Variants in ZSWIM6 observed in about 807,000 individuals in gnomAD.
ZSWIM6 encodes zinc finger SWIM domain-containing protein 6.
A neutral mutation model predicts 113.2 loss-of-function variants in ZSWIM6; 9 were observed. That is an observed-to-expected ratio of 0.08 (90% CI 0.05 to 0.14). The LOEUF (loss-of-function observed/expected upper bound fraction) is 0.14. ZSWIM6 is among the 10% of genes least tolerant of loss of function. ZSWIM6 has a pLI of 1.00. For missense variants in ZSWIM6, 1,162 were observed against 1,552.2 expected (o/e 0.75, Z 4.22); for synonymous variants, 611 against 606.5 (o/e 1.01, Z -0.11).
chr5:61,351,101 A>G (rs1744773749), intron 1 of ZSWIM6, among the ~76,000 whole-genome samples: 1 of 152,222 alleles, frequency 6.6e-6, no homozygotes, highest in Non-Finnish European at 1.5e-5. Flanking sequence ...ATTTTTGTTA[A>G]TAGTTTATTA....
At chr5:61,337,274 G>T (rs1479302405) in intron 1 of ZSWIM6, among the ~76,000 whole-genome samples, 1 of 139,708 alleles carries the variant, frequency 7.2e-6, no homozygotes, top group Non-Finnish European at 1.6e-5. Context: ...GCGAGATTCC[G>T]TCTCCCCCCC....
intron 4 of ZSWIM6, among the ~76,000 whole-genome samples, chr5:61,503,301 T>C (rs1284685642): frequency 6.6e-6 from 1 of 152,204 alleles, no homozygotes; most frequent in Non-Finnish European, 1.5e-5. Context: ...ACTAGTTGTC[T>C]GAAAAATGTA....
At chr5:61,479,170 C>CAA (rs1237501407) in intron 2 of ZSWIM6, among the ~76,000 whole-genome samples, 2 of 115,780 alleles carry the variant, frequency 1.7e-5, no homozygotes, top group African/African-American at 6.4e-5. Flanking sequence ...GACTCTGTCT[C>CAA]AAAAAAAAAA....
chr5:61,539,054 TCAG>T, intron 11 of ZSWIM6, 83 bp downstream of exon 11: 1 of 1,393,670 alleles, frequency 7.2e-7, no homozygotes. Context: ...TATCAAATTC[TCAG>T]CAGTGGTGTT....
chr5:61,461,999 T>C (rs1747332685), intron 1 of ZSWIM6, among the ~76,000 whole-genome samples: 1 of 152,156 alleles, frequency 6.6e-6, no homozygotes, highest in Non-Finnish European at 1.5e-5. Flanking sequence ...AGCGTACAAA[T>C]TGGGCAGAGA....
intron 1 of ZSWIM6, among the ~76,000 whole-genome samples, chr5:61,388,131 C>T (rs558596259): frequency 2.6e-4 from 39 of 151,696 alleles, no homozygotes; most frequent in African/African-American, 8.9e-4. Flanking sequence ...TCCAGACACC[C>T]ACCATGATGC....
intron 1 of ZSWIM6, among the ~76,000 whole-genome samples, chr5:61,443,335 C>T (rs1438815102): frequency 6.6e-6 from 1 of 152,138 alleles, no homozygotes; most frequent in Non-Finnish European, 1.5e-5. Flanking sequence ...TAAATGAAGA[C>T]ATACCAGAAT....
At chr5:61,367,317 G>A (rs1177698675) in intron 1 of ZSWIM6, among the ~76,000 whole-genome samples, 2 of 152,092 alleles carry the variant, frequency 1.3e-5, no homozygotes, top group African/African-American at 2.4e-5. Context: ...GTACAGTGGT[G>A]CAGTTATAGC....
At chr5:61,450,292 C>G (rs1169549958) in intron 1 of ZSWIM6, among the ~76,000 whole-genome samples, 1 of 152,102 alleles carries the variant, frequency 6.6e-6, no homozygotes, top group African/African-American at 2.4e-5. Context: ...TTCTTTGCCC[C>G]ACACATGAAA....
chr5:61,342,905 AAAT>A (rs1406257029), intron 1 of ZSWIM6, among the ~76,000 whole-genome samples: 1 of 152,202 alleles, frequency 6.6e-6, no homozygotes, highest in Non-Finnish European at 1.5e-5. Context: ...CATTAAAAAA[AAAT>A]GTCTTTTAGG....
chr5:61,522,626 T>C (rs1749162168), intron 5 of ZSWIM6, among the ~76,000 whole-genome samples: 1 of 152,256 alleles, frequency 6.6e-6, no homozygotes, highest in Non-Finnish European at 1.5e-5. Flanking sequence ...ATATTTGCCA[T>C]GGGAATTCAA....
intron 1 of ZSWIM6, among the ~76,000 whole-genome samples, chr5:61,340,078 C>T (rs1428957307): frequency 2.6e-5 from 4 of 152,098 alleles, no homozygotes; most frequent in African/African-American, 9.7e-5. Flanking sequence ...CTTTCAGTGC[C>T]CTGTGTTCCT....
At chr5:61,359,495 C>T (rs1007486155) in intron 1 of ZSWIM6, among the ~76,000 whole-genome samples, 7 of 152,048 alleles carry the variant, frequency 4.6e-5, no homozygotes, top group African/African-American at 1.7e-4. Flanking sequence ...GTGCCTTCAT[C>T]CAAGCTAGTT....
In ZSWIM6 at chr5:61,526,325, C is replaced by G. The variant is rs1322206760; in HGVS notation, c.1766C>G (p.Ala589Gly). Residue 589 changes from alanine to glycine, a missense_variant, in exon 7 of 14, where the codon GCA (alanine) becomes GGA (glycine). Coordinates refer to ENST00000252744, the MANE Select transcript of ZSWIM6 (RefSeq NM_020928.2). ...TACCCCAGAGAAGCACTGAGACTAG[C>G]AATAGCTATTGTTAATACATTAAGA... ...HGYPREALRL[A>G]IAIVNTLRRQ... 7.7e-6 allele frequency: 12 copies of G among 1,551,968 alleles called. No homozygotes were observed. The highest frequency in any genetic ancestry group is 1.0e-5 in the Non-Finnish European group (12 of 1,147,066).
chr5:61,409,201 T>C (rs916441032), intron 1 of ZSWIM6, among the ~76,000 whole-genome samples: 5 of 151,946 alleles, frequency 3.3e-5, no homozygotes, highest in African/African-American at 1.2e-4. Flanking sequence ...AAGGCCATTT[T>C]GTTTTTGTTT....
intron 1 of ZSWIM6, among the ~76,000 whole-genome samples, chr5:61,405,974 A>G (rs1400135971): frequency 6.6e-6 from 1 of 152,116 alleles, no homozygotes; most frequent in Non-Finnish European, 1.5e-5. Context: ...TGAGGTCTGG[A>G]GCTTGGGACT....
chr5:61,521,351 T>G lies in ZSWIM6; in HGVS notation c.1422T>G (p.Ser474Arg), dbSNP rs1369897766. Reference protein sequence around the residue: ...SWLKQLKKWNSVDVCPWEDGN... With the variant: ...SWLKQLKKWNRVDVCPWEDGN... Reference sequence around the variant, plus strand: ...TAAAACAGCTGAAGAAATGGAATAGTGTTGATGTCTGTCCATGGGAAGATG... The same window carrying G: ...TAAAACAGCTGAAGAAATGGAATAGGGTTGATGTCTGTCCATGGGAAGATG... The change falls in exon 5 of 14, where the codon AGT becomes AGG. Residue 474 changes from serine to arginine, a missense_variant. Ser to Arg is a moderately radical substitution (Grantham distance 110). Coordinates refer to ENST00000252744, the MANE Select transcript of ZSWIM6 (RefSeq NM_020928.2). 3.3e-6 allele frequency: 5 copies of G among 1,530,238 alleles called. No individual in the cohort carries two copies. Among genetic ancestry groups the G allele is most frequent in the Non-Finnish European group, 8.8e-7 (1 of 1,137,292 alleles). 94.8% of individuals were successfully genotyped at this position (1,530,238 alleles called of 1,614,324 possible). A position where few individuals can be genotyped will look rare whatever the true frequency, so the allele number is the denominator to read the frequency against.
In ZSWIM6 at chr5:61,402,585, G is replaced by T. The variant is rs1745960280; in HGVS notation, c.676+69637G>T. 3.3e-5 allele frequency among the ~76,000 whole-genome samples: 5 copies of T among 151,844 alleles called. No homozygotes were observed. In the South Asian group the frequency reaches 1.0e-3, roughly 31 times the overall value. ...TATGTCCAGAAACTAACCAAATGAA[G>T]GTGTTTTTAATGACTAACTTTCTTC... is the stretch of plus-strand genomic sequence containing the variant. On this transcript the variant is annotated intron_variant, in intron 1 of 13. Coordinates refer to ENST00000252744, the MANE Select transcript of ZSWIM6 (RefSeq NM_020928.2).
At chr5:61,446,722 T>C (rs1746961475) in intron 1 of ZSWIM6, among the ~76,000 whole-genome samples, 1 of 152,234 alleles carries the variant, frequency 6.6e-6, no homozygotes, top group African/African-American at 2.4e-5. Context: ...TCACATGAAC[T>C]TGGAAAATGC....
Sources: allele counts gnomAD v4.1 joint callset (sites outside exome capture counted in the v4.1 genomes callset), GRCh38; gene constraint gnomAD v4.1.1; transcripts MANE v1.5; gene names NCBI Gene and HGNC (gene_info 2026-07-23, HGNC 2026-07-21).